Variants in GABRB3 observed in about 807,000 individuals in gnomAD.
GABRB3 encodes the protein gamma-aminobutyric acid receptor subunit beta-3.
GABRB3 carries 14 observed loss-of-function variants against 52.1 expected under a neutral mutation model. The observed-to-expected ratio is 0.27, with a 90% CI of 0.18 to 0.42. GABRB3 has a LOEUF of 0.42. Among genes scored for constraint, GABRB3 ranks in the 10% least tolerant of loss-of-function variants. GABRB3 has a pLI of 1.00. For missense variants in GABRB3, 307 were observed against 609.1 expected (o/e 0.50, Z 5.22); for synonymous variants, 260 against 232.3 (o/e 1.12, Z -1.08).
At chr15:26,593,374 A>G (rs1419612312) in intron 4 of GABRB3, among the ~76,000 whole-genome samples, 1 of 152,206 alleles carries the variant, frequency 6.6e-6, no homozygotes, top group Non-Finnish European at 1.5e-5. Flanking sequence ...AATTCAGTGC[A>G]TTCACATTGG....
At chr15:26,633,334 GACCCTGACAGCC>G (rs1892958658) in intron 3 of GABRB3, among the ~76,000 whole-genome samples, 1 of 152,120 alleles carries the variant, frequency 6.6e-6, no homozygotes, top group Admixed American at 6.5e-5. Context: ...TACTGCAGCT[GACCCTGACAGCC>G]ACCCTTCCAG....
intron 3 of GABRB3, among the ~76,000 whole-genome samples, chr15:26,753,235 G>A (rs529148800): frequency 2.0e-5 from 3 of 152,202 alleles, no homozygotes; most frequent in Admixed American, 1.3e-4. Flanking sequence ...ACCCCTTCAC[G>A]ACACACATCA....
At position 26,621,562 on chromosome 15, in the gene GABRB3, T is replaced by G; in HGVS notation, c.241-28A>C. 9 of 1,553,130 alleles carry G rather than the reference T, an allele frequency of 5.8e-6. No homozygotes were observed. Among genetic ancestry groups the G allele is most frequent in the African/African-American group, 1.4e-5 (1 of 73,786 alleles). On this transcript the variant is annotated intron_variant, in intron 3 of 8. Transcript: ENST00000311550. This position sits in a 1 kb window ranked among gnomAD's most constrained non-coding sequence, Gnocchi z 4.1. ...GGGGGGAAAAGAAAAGAAAGAAAGT[T>G]AGTTTGTACCCAGCCACAGGTGTAT...
At chr15:26,551,769 T>C (rs1889473623) in intron 8 of GABRB3, among the ~76,000 whole-genome samples, 1 of 152,148 alleles carries the variant, frequency 6.6e-6, no homozygotes. Context: ...AGTGACCTCA[T>C]CTGTCCTCCA....
At chr15:26,667,739 C>T (rs1240560042) in intron 3 of GABRB3, among the ~76,000 whole-genome samples, 8 of 152,238 alleles carry the variant, frequency 5.3e-5, no homozygotes, top group Admixed American at 4.6e-4. Flanking sequence ...TAGAAATGCA[C>T]ATTCTTGGGC....
chr15:26,572,268 C>A (rs535470437), intron 6 of GABRB3, among the ~76,000 whole-genome samples: 10 of 152,188 alleles, frequency 6.6e-5, no homozygotes, highest in Non-Finnish European at 1.5e-4. Context: ...CTGTGGCGTG[C>A]ACTATCCTGG....
intron 3 of GABRB3, among the ~76,000 whole-genome samples, chr15:26,638,684 C>A (rs1218708889): frequency 1.3e-5 from 2 of 152,076 alleles, no homozygotes; most frequent in African/African-American, 4.8e-5. Context: ...GGAGGTAAAG[C>A]CCAAGCCTGG....
chr15:26,765,218 T>C (rs1045400782), intron 3 of GABRB3, among the ~76,000 whole-genome samples: 1 of 151,870 alleles, frequency 6.6e-6, no homozygotes, highest in African/African-American at 2.4e-5. Context: ...ACTTTCGGTG[T>C]ACAAAGGTAC....
intron 3 of GABRB3, among the ~76,000 whole-genome samples, chr15:26,712,625 A>C (rs565118579): frequency 5.6e-4 from 85 of 152,264 alleles, no homozygotes; most frequent in African/African-American, 1.8e-3. Flanking sequence ...CCAAGTGGTC[A>C]TTTAGGATGT....
intron 3 of GABRB3, among the ~76,000 whole-genome samples, chr15:26,687,235 A>C (rs768023536): frequency 6.6e-6 from 1 of 152,224 alleles, no homozygotes; most frequent in Non-Finnish European, 1.5e-5. Flanking sequence ...TATTTTAAGG[A>C]TATTTCACAA....
intron 8 of GABRB3, among the ~76,000 whole-genome samples, chr15:26,555,727 G>T (rs150309294): frequency 1.3e-5 from 2 of 152,172 alleles, no homozygotes; most frequent in South Asian, 4.1e-4. Context: ...GTGAACACTT[G>T]TAACGGAAAC....
intron 3 of GABRB3, among the ~76,000 whole-genome samples, chr15:26,726,712 T>C (rs1889782357): frequency 6.6e-6 from 1 of 152,242 alleles, no homozygotes; most frequent in African/African-American, 2.4e-5. Context: ...GATGTCTCTT[T>C]GTGCCACTGT....
At chr15:26,646,886 C>T (rs1307393272) in intron 3 of GABRB3, among the ~76,000 whole-genome samples, 1 of 152,112 alleles carries the variant, frequency 6.6e-6, no homozygotes, top group Non-Finnish European at 1.5e-5. Context: ...CTCTGTCGCC[C>T]AGGCTGGAGT....
intron 4 of GABRB3, chr15:26,613,502 A>G (rs1406587865): frequency 6.6e-6 from 1 of 152,184 alleles, no homozygotes; most frequent in Non-Finnish European, 1.5e-5. Flanking sequence ...CTACACCAAG[A>G]TAAATTCCAA....
chr15:26,622,833 G>A (rs1009334762), intron 3 of GABRB3, among the ~76,000 whole-genome samples: 4 of 152,154 alleles, frequency 2.6e-5, no homozygotes, highest in Admixed American at 2.0e-4. Context: ...AAACCAGCTT[G>A]TACTATATCA....
chr15:26,597,630 T>C lies in GABRB3; in HGVS notation c.462-14216A>G, dbSNP rs118158650. 4.5e-3 allele frequency among the ~76,000 whole-genome samples: 683 copies of C among 152,278 alleles called. 2 individuals carry two copies. The highest frequency in any genetic ancestry group is 8.2e-3 in the Non-Finnish European group (560 of 68,028). On this transcript the variant is annotated intron_variant, in intron 4 of 8. Transcript: ENST00000311550. ...AGAAATGGAAGATGACCATGAAGGATACATTCTTAGAGCTAACAAAAGCCC... is the reference window on the plus strand; with the variant it reads ...AGAAATGGAAGATGACCATGAAGGACACATTCTTAGAGCTAACAAAAGCCC...
intron 3 of GABRB3, among the ~76,000 whole-genome samples, chr15:26,704,933 T>C (rs1246221331): frequency 6.6e-6 from 1 of 152,190 alleles, no homozygotes; most frequent in Non-Finnish European, 1.5e-5. Context: ...CTTCATTCAC[T>C]GCAATATAGG....
intron 3 of GABRB3, among the ~76,000 whole-genome samples, chr15:26,736,065 T>C (rs1158043997): frequency 1.3e-5 from 2 of 152,096 alleles, no homozygotes; most frequent in African/African-American, 4.8e-5. Context: ...TGATGGCTGC[T>C]AGGGACTGAG....
chr15:26,684,108 CA>C (rs1169671295), intron 3 of GABRB3, among the ~76,000 whole-genome samples: 1 of 152,140 alleles, frequency 6.6e-6, no homozygotes, highest in Non-Finnish European at 1.5e-5. Context: ...ACTGACTTAC[CA>C]AATGAACAGC....
Sources: gnomAD v4.1 joint callset for allele counts (sites outside exome capture counted in the v4.1 genomes callset) on GRCh38, gnomAD v4.1.1 for gene constraint, Gnocchi (gnomAD v3.1) non-coding constraint, MANE v1.5 for transcripts, NCBI Gene and HGNC (gene_info 2026-07-23, HGNC 2026-07-21) for gene names.